The following FLT1 variants were observed in gnomAD, a reference collection of about 807,000 sequenced individuals.
FLT1 encodes vascular endothelial growth factor receptor 1.
In FLT1, 49 loss-of-function variants were observed where a neutral mutation model predicts 156.3. The observed-to-expected ratio is 0.31, with a 90% CI of 0.25 to 0.40. The LOEUF (loss-of-function observed/expected upper bound fraction) is 0.40, where lower values mean the gene tolerates loss of function less well. Ranked by LOEUF, FLT1 falls within the 10% of genes least tolerant of loss-of-function variation. The pLI, the probability that FLT1 is intolerant of heterozygous loss-of-function variation, is 1.00. For synonymous variants in FLT1, 594 were observed against 583.8 expected (o/e 1.02, Z -0.25); for missense variants, 1,322 against 1,637.2 (o/e 0.81, Z 3.32).
At chr13:28,453,383 C>A (rs995567373) in intron 3 of FLT1, among the ~76,000 whole-genome samples, 1 of 152,020 alleles carries the variant, frequency 6.6e-6, no homozygotes, top group African/African-American at 2.4e-5. Flanking sequence ...TCGGCCTCCC[C>A]AAGTGTTGGG....
Position 28,425,427 on chromosome 13 carries a change from A to G in FLT1, c.1436+1732T>C, listed in dbSNP as rs193150164. ...GAACTTATTCCATCACACAGAAGAG[A>G]GATCCCTTACACCACAAAGAAATTG... On this transcript the variant is annotated intron_variant, in intron 10 of 29. Transcript: ENST00000282397. Among the ~76,000 whole-genome samples the G allele has an allele frequency of 3.9e-3, 591 of 152,326 alleles. 3 individuals are homozygous for G. Among genetic ancestry groups the G allele is most frequent in the African/African-American group, 0.014 (564 of 41,566 alleles).
In FLT1 at chr13:28,494,866, C is replaced by A. The variant is rs1376563558; in HGVS notation, c.-23G>T. ...CATGGTGAGCGCGACGCGGCCTGCT[C>A]GCCCGGTGCCCGCGCTCCCCGCGGC... is the stretch of plus-strand genomic sequence containing the variant. On this transcript the variant is annotated 5_prime_UTR_variant, in exon 1 of 30. Coordinates refer to ENST00000282397, the MANE Select transcript of FLT1 (RefSeq NM_002019.4). 3 of 1,523,384 alleles carry A rather than the reference C, an allele frequency of 2.0e-6. No individual in the cohort carries two copies. Among genetic ancestry groups the A allele is most frequent in the Middle Eastern group, 1.7e-4 (1 of 5,872 alleles). The allele number at this position is 1,523,384 out of a possible 1,614,324, so 94.4% of individuals were successfully genotyped here. A position where few individuals can be genotyped will look rare whatever the true frequency, so the allele number is the denominator to read the frequency against.
intron 1 of FLT1, among the ~76,000 whole-genome samples, chr13:28,477,443 T>C (rs150751393): frequency 2.6e-4 from 39 of 152,342 alleles, no homozygotes; most frequent in African/African-American, 9.4e-4. Context: ...TAGAGCTGTC[T>C]AACAATATGT....
At chr13:28,477,204 G>A (rs951141818) in intron 1 of FLT1, among the ~76,000 whole-genome samples, 1 of 152,158 alleles carries the variant, frequency 6.6e-6, no homozygotes, top group African/African-American at 2.4e-5. Flanking sequence ...GAGGGTCACA[G>A]TTTAACAGGG....
At chr13:28,469,203 G>C (rs573853883) in intron 1 of FLT1, among the ~76,000 whole-genome samples, 2 of 152,256 alleles carry the variant, frequency 1.3e-5, no homozygotes, top group East Asian at 3.9e-4. Context: ...GGAAAACTTA[G>C]TATTTGGCAC....
At chr13:28,426,107 C>T (rs954940062) in intron 10 of FLT1, among the ~76,000 whole-genome samples, 1 of 147,522 alleles carries the variant, frequency 6.8e-6, no homozygotes, top group East Asian at 2.0e-4. Context: ...TAGGATTATG[C>T]TTTGTTTACT....
At chr13:28,431,007 A>G in intron 7 of FLT1, 129 bp downstream of exon 7, 1 of 829,326 alleles carries the variant, frequency 1.2e-6, no homozygotes, top group East Asian at 2.5e-5. Context: ...GGAGGGAACC[A>G]TGGCCAAGCT....
At chr13:28,487,095 T>G (rs1481548068) in intron 1 of FLT1, among the ~76,000 whole-genome samples, 1 of 152,258 alleles carries the variant, frequency 6.6e-6, no homozygotes, top group East Asian at 1.9e-4. Flanking sequence ...TAACCTCAGC[T>G]GCCCATTGGA....
chr13:28,477,616 C>T (rs1028376772), intron 1 of FLT1, among the ~76,000 whole-genome samples: 14 of 152,188 alleles, frequency 9.2e-5, no homozygotes, highest in Non-Finnish European at 2.1e-4. Flanking sequence ...AGAGAAAACA[C>T]TCTTTACACC....
intron 15 of FLT1, among the ~76,000 whole-genome samples, chr13:28,350,938 TTCTC>T (rs369178353): frequency 6.6e-6 from 1 of 150,690 alleles, no homozygotes; most frequent in East Asian, 1.9e-4. Flanking sequence ...CTTCTTTCCT[TTCTC>T]TCTCTCTCCC....
At chr13:28,395,412 T>C (rs1874985102) in intron 12 of FLT1, among the ~76,000 whole-genome samples, 1 of 152,174 alleles carries the variant, frequency 6.6e-6, no homozygotes, top group Non-Finnish European at 1.5e-5. Flanking sequence ...ACATGTGGCT[T>C]TTGAGCACTT....
At chr13:28,416,296 T>C (rs1241321488) in intron 10 of FLT1, among the ~76,000 whole-genome samples, 1 of 152,192 alleles carries the variant, frequency 6.6e-6, no homozygotes, top group African/African-American at 2.4e-5. Flanking sequence ...TTGCATCTCT[T>C]GATGTCACCA....
chr13:28,389,714 T>C (rs1874584600), intron 13 of FLT1, 82 bp downstream of exon 13: 2 of 1,606,672 alleles, frequency 1.2e-6, no homozygotes, highest in Non-Finnish European at 1.7e-6. Context: ...ATGTTTTACA[T>C]TACTTTGTGT....
At chr13:28,380,609 A>G (rs1332385101) in intron 14 of FLT1, among the ~76,000 whole-genome samples, 1 of 152,034 alleles carries the variant, frequency 6.6e-6, no homozygotes, top group African/African-American at 2.4e-5. Flanking sequence ...TATTTTGTGT[A>G]AGACTTTATA....
At chr13:28,331,682 G>A (rs558487632) in intron 18 of FLT1, among the ~76,000 whole-genome samples, 9 of 152,224 alleles carry the variant, frequency 5.9e-5, no homozygotes, top group Admixed American at 2.0e-4. Context: ...TGCCGGCCTC[G>A]GCCTCCCAAA....
intron 3 of FLT1, among the ~76,000 whole-genome samples, chr13:28,448,202 T>C (rs1878724829): frequency 6.6e-6 from 1 of 152,232 alleles, no homozygotes; most frequent in Non-Finnish European, 1.5e-5. Flanking sequence ...AGTCTGGCAG[T>C]TCCTCAAATT....
At chr13:28,455,488 C>A (rs1481555506) in intron 3 of FLT1, among the ~76,000 whole-genome samples, 3 of 152,112 alleles carry the variant, frequency 2.0e-5, no homozygotes, top group South Asian at 2.1e-4. Flanking sequence ...GAAAAATCAA[C>A]ACAAAATGGA....
intron 1 of FLT1, among the ~76,000 whole-genome samples, chr13:28,476,581 G>A (rs1024948430): frequency 8.6e-5 from 13 of 152,040 alleles, no homozygotes; most frequent in African/African-American, 2.7e-4. Flanking sequence ...TATATTAAAC[G>A]CACTATTTTA....
chr13:28,426,930 TA>T (rs759902055), intron 10 of FLT1, among the ~76,000 whole-genome samples: 1 of 152,190 alleles, frequency 6.6e-6, no homozygotes, highest in Non-Finnish European at 1.5e-5. Context: ...CTTGTGCTTC[TA>T]AAACTGTAAA....
Sources: allele counts gnomAD v4.1 joint callset (sites outside exome capture counted in the v4.1 genomes callset), GRCh38; gene constraint gnomAD v4.1.1; transcripts MANE v1.5; gene names NCBI Gene and HGNC (gene_info 2026-07-23, HGNC 2026-07-21).